The following LHFPL3 variants were observed in gnomAD, a reference collection of about 807,000 sequenced individuals.
The protein encoded by LHFPL3 is LHFPL tetraspan subfamily member 3 protein.
In LHFPL3, 5 loss-of-function variants were observed where a neutral mutation model predicts 19.3. The ratio of observed to expected loss-of-function variants is 0.26; its 90% CI spans 0.14 to 0.54. The LOEUF is 0.54. LHFPL3 is among the 20% of genes least tolerant of loss of function. The probability of loss-of-function intolerance (pLI) is 0.94; values close to 1 mark genes in which losing one functional copy is unlikely to be tolerated. For missense variants in LHFPL3, 249 were observed against 307.4 expected, an observed-to-expected ratio of 0.81 and a Z score of 1.42; for synonymous variants, 133 against 126.2, an observed-to-expected ratio of 1.05 and a Z score of -0.36.
At chr7:104,867,663 G>C (rs966560638) in intron 2 of LHFPL3, among the ~76,000 whole-genome samples, 1 of 152,286 alleles carries the variant, frequency 6.6e-6, no homozygotes, top group South Asian at 2.1e-4. Flanking sequence ...GGAGGAGCTG[G>C]TACCATTCCT....
chr7:104,856,219 C>A (rs1362026954), intron 2 of LHFPL3, among the ~76,000 whole-genome samples: 1 of 147,658 alleles, frequency 6.8e-6, no homozygotes, highest in Non-Finnish European at 1.5e-5. Context: ...CTGCCCAGAT[C>A]TCCTGATTCT....
At chr7:104,499,978 T>C (rs1793569072) in intron 1 of LHFPL3, among the ~76,000 whole-genome samples, 1 of 152,254 alleles carries the variant, frequency 6.6e-6, no homozygotes, top group Non-Finnish European at 1.5e-5. Context: ...GTAAATGTAT[T>C]ATTCTTTAAC....
chr7:104,662,438 C>A (rs981412331), intron 1 of LHFPL3, among the ~76,000 whole-genome samples: 13 of 152,156 alleles, frequency 8.5e-5, no homozygotes, highest in Non-Finnish European at 1.5e-5. Flanking sequence ...TTCCATTTTG[C>A]AGATGAAGAC....
At chr7:104,811,082 GC>G (rs1260278350) in intron 2 of LHFPL3, among the ~76,000 whole-genome samples, 3 of 152,046 alleles carry the variant, frequency 2.0e-5, no homozygotes, top group African/African-American at 7.2e-5. Context: ...CTGGTCAAAG[GC>G]AACCTGCCTA....
At chr7:104,382,692 C>T (rs117291352) in intron 1 of LHFPL3, among the ~76,000 whole-genome samples, 3,809 of 152,278 alleles carry the variant, frequency 0.025, 81 homozygotes, top group Non-Finnish European at 0.036. Context: ...TGAGAGTTTA[C>T]GTACCCTATG....
At chr7:104,634,217 A>G (rs908586001) in intron 1 of LHFPL3, among the ~76,000 whole-genome samples, 52 of 152,284 alleles carry the variant, frequency 3.4e-4, no homozygotes, top group African/African-American at 1.2e-3. Flanking sequence ...CAAATACCAT[A>G]TGGCAGGTGG....
At position 104,669,056 on chromosome 7, in the gene LHFPL3, G is replaced by A. The variant is rs559042648; in HGVS notation, c.446-67619G>A. The stretch of plus-strand genomic sequence containing the variant: ...ACCACATCTGGCAGAAATGCATGAA[G>A]GAGAGAGAGTGAGAAGTCTCTAGAA... On this transcript the variant is annotated intron_variant, in intron 1 of 2. Transcript: ENST00000424859. The A allele has an allele frequency of 7.2e-5, 116 of 1,612,302 alleles. No individual in the cohort carries two copies. The South Asian group carries it at 1.2e-3, about 16-fold the overall frequency.
chr7:104,748,204 C>T (rs1023771827), intron 2 of LHFPL3, among the ~76,000 whole-genome samples: 6 of 151,462 alleles, frequency 4.0e-5, no homozygotes, highest in South Asian at 2.1e-4. Flanking sequence ...TACCCAGGGA[C>T]ACAAAAACTG....
At chr7:104,655,867 G>T (rs183236970) in intron 1 of LHFPL3, among the ~76,000 whole-genome samples, 2 of 152,000 alleles carry the variant, frequency 1.3e-5, no homozygotes, top group Non-Finnish European at 2.9e-5. Flanking sequence ...CATTGACAAA[G>T]GTTAGAACTA....
intron 1 of LHFPL3, among the ~76,000 whole-genome samples, chr7:104,492,043 A>G (rs1289449813): frequency 6.6e-6 from 1 of 152,196 alleles, no homozygotes; most frequent in Non-Finnish European, 1.5e-5. Context: ...TTGTGTGGAG[A>G]TCATTAATTT....
intron 1 of LHFPL3, among the ~76,000 whole-genome samples, chr7:104,495,674 C>A (rs987782910): frequency 5.3e-5 from 8 of 152,120 alleles, no homozygotes; most frequent in Admixed American, 4.6e-4. Flanking sequence ...TGAGCTAACG[C>A]GCCTGGCCTA....
chr7:104,635,099 T>C (rs1266035526), intron 1 of LHFPL3, among the ~76,000 whole-genome samples: 1 of 152,160 alleles, frequency 6.6e-6, no homozygotes, highest in Non-Finnish European at 1.5e-5. Context: ...ACATTTAAAA[T>C]TGTGCAGCCA....
At chr7:104,432,866 T>G (rs1792028698) in intron 1 of LHFPL3, among the ~76,000 whole-genome samples, 1 of 152,202 alleles carries the variant, frequency 6.6e-6, no homozygotes, top group Admixed American at 6.5e-5. Context: ...TTCCTGTGTT[T>G]TAGCCTTAAT....
chr7:104,748,665 T>C (rs940035378), intron 2 of LHFPL3, among the ~76,000 whole-genome samples: 3 of 151,918 alleles, frequency 2.0e-5, no homozygotes, highest in African/African-American at 4.8e-5. Flanking sequence ...CACAATTGTC[T>C]TGTGACCCTG....
At chr7:104,347,655 GC>G (rs1375974721) in intron 1 of LHFPL3, among the ~76,000 whole-genome samples, 3 of 152,132 alleles carry the variant, frequency 2.0e-5, no homozygotes, top group Non-Finnish European at 4.4e-5. Context: ...CCCTTGGGAG[GC>G]CAAGGCGGGT....
chr7:104,850,320 A>C (rs1791394098), intron 2 of LHFPL3, among the ~76,000 whole-genome samples: 1 of 152,130 alleles, frequency 6.6e-6, no homozygotes. Context: ...AAATAAATAA[A>C]AGTAATTGCG....
chr7:104,684,477 C>T (rs989752886), intron 1 of LHFPL3, among the ~76,000 whole-genome samples: 1 of 152,192 alleles, frequency 6.6e-6, no homozygotes, highest in Admixed American at 6.5e-5. Flanking sequence ...AGCTGTGTTC[C>T]AATAAAACTT....
At chr7:104,748,841 A>G (rs1166844588) in intron 2 of LHFPL3, among the ~76,000 whole-genome samples, 2 of 152,040 alleles carry the variant, frequency 1.3e-5, no homozygotes, top group African/African-American at 2.4e-5. Context: ...CTCTCGTTCT[A>G]CCTTACGAGA....
At chr7:104,559,077 C>G (rs1328516173) in intron 1 of LHFPL3, among the ~76,000 whole-genome samples, 1 of 148,130 alleles carries the variant, frequency 6.8e-6, no homozygotes, top group African/African-American at 2.5e-5. Context: ...GTTTTGGTTA[C>G]TGTAGCCTTT....
Sources: gnomAD v4.1 joint callset for allele counts (sites outside exome capture counted in the v4.1 genomes callset) on GRCh38, gnomAD v4.1.1 for gene constraint, MANE v1.5 for transcripts, NCBI Gene and HGNC (gene_info 2026-07-23, HGNC 2026-07-21) for gene names.